ZNF606: variants seen among roughly 807,000 people sequenced by gnomAD.
The protein encoded by ZNF606 is zinc finger protein 328.
In ZNF606, 37 loss-of-function variants were observed where a neutral mutation model predicts 74.9. The ratio of observed to expected loss-of-function variants is 0.49; its 90% CI spans 0.38 to 0.65. ZNF606 has a LOEUF of 0.65. ZNF606 is among the 30% of genes least tolerant of loss of function. The pLI is 0.00. For synonymous variants in ZNF606, 328 were observed against 312.4 expected, an observed-to-expected ratio of 1.05 and a Z score of -0.53; for missense variants, 852 against 952.9, an observed-to-expected ratio of 0.89 and a Z score of 1.39.
chr19:57,988,455 A>G lies in ZNF606; in HGVS notation c.304+140T>C. 3.5e-6 allele frequency: 5 copies of G among 1,418,154 alleles called. 1 individual carries two copies. In the South Asian group the frequency reaches 6.7e-5, roughly 19 times the overall value. 87.8% of individuals were successfully genotyped at this position (1,418,154 alleles called of 1,614,324 possible). On this transcript the variant is annotated intron_variant, in intron 5 of 6. Transcript: ENST00000551380. Reference sequence around the variant, plus strand: ...ATGCTCTTTAAGCATTAGGAGTTTCATCCCTGAACCTCAGGGCCCAAGATC... The same window carrying G: ...ATGCTCTTTAAGCATTAGGAGTTTCGTCCCTGAACCTCAGGGCCCAAGATC...
rs2073006913 is a variant in ZNF606 at position 57,977,434 on chromosome 19, C to T, written c.*867G>A. 6.6e-6 allele frequency: 1 copy of T among 152,226 alleles called. No homozygotes were observed. Among genetic ancestry groups the T allele is most frequent in the Admixed American group, 6.5e-5 (1 of 15,288 alleles). 9.4% of individuals were successfully genotyped at this position (152,226 alleles called of 1,614,324 possible). ...TGGGTTAACTTTTCCATGGATCTTT[C>T]AGGTCCTTACCCATATACATTTTTT... On this transcript the variant is annotated 3_prime_UTR_variant, in exon 7 of 7. Coordinates refer to ENST00000551380, the MANE Select transcript of ZNF606 (RefSeq NM_001348022.3).
intron 4 of ZNF606, among the ~76,000 whole-genome samples, chr19:57,996,775 TG>T (rs2073347588): frequency 6.6e-6 from 1 of 152,212 alleles, no homozygotes. Context: ...GTCACCCTCA[TG>T]AGCTGCATTT....
intron 6 of ZNF606, among the ~76,000 whole-genome samples, chr19:57,987,217 T>C (rs1033057726): frequency 6.6e-6 from 1 of 152,140 alleles, no homozygotes; most frequent in African/African-American, 2.4e-5. Context: ...AACAGTAATG[T>C]GAGTAACAGC....
intron 4 of ZNF606, among the ~76,000 whole-genome samples, chr19:57,995,016 C>T (rs1156957892): frequency 6.6e-6 from 1 of 151,648 alleles, no homozygotes; most frequent in African/African-American, 2.4e-5. Context: ...CATGGTGAAA[C>T]CCTGCCTCTA....
In ZNF606 at chr19:57,978,585, G is replaced by A. The variant is rs200784321; in HGVS notation, c.2095C>T (p.Arg699Trp). The A allele has an allele frequency of 7.8e-5, 126 of 1,613,590 alleles. No individual in the cohort carries two copies. Among genetic ancestry groups the A allele is most frequent in the Non-Finnish European group, 1.0e-4 (121 of 1,179,946 alleles). ...FNCSSHLIAH[R>W]RTHTGEKPYR... is the part of the protein sequence containing the mutation. ...GGTTTCTCTCCAGTATGAGTTCTCCGGTGTGCAATGAGGTGAGAACTACAG... is the reference window on the plus strand; with the variant it reads ...GGTTTCTCTCCAGTATGAGTTCTCCAGTGTGCAATGAGGTGAGAACTACAG... The change falls in exon 7 of 7, where the codon CGG becomes TGG. Residue 699 changes from arginine to tryptophan, a missense_variant. Transcript: ENST00000551380. The surrounding 1 kb of genome is among the most constrained non-coding windows in gnomAD (Gnocchi z 4.4).
Position 58,002,817 on chromosome 19 carries a change from G to T in ZNF606, c.-473C>A, listed in dbSNP as rs1338805919. Reference sequence around the variant, plus strand: ...CAATGGCGGCTGCTTCCCCGGCGTCGACCGGAGCGCGCCGCGGGGTCTGCT... The same window carrying T: ...CAATGGCGGCTGCTTCCCCGGCGTCTACCGGAGCGCGCCGCGGGGTCTGCT... On this transcript the variant is annotated 5_prime_UTR_variant, in exon 1 of 7. Coordinates refer to ENST00000551380, the MANE Select transcript of ZNF606 (RefSeq NM_001348022.3). 6 of 449,218 alleles carry T rather than the reference G, an allele frequency of 1.3e-5. No homozygotes were observed. Among genetic ancestry groups the T allele is most frequent in the South Asian group, 9.4e-5 (6 of 64,056 alleles). 27.8% of individuals were successfully genotyped at this position (449,218 alleles called of 1,614,324 possible). A position where few individuals can be genotyped will look rare whatever the true frequency, so the allele number is the denominator to read the frequency against.
Position 58,001,680 on chromosome 19 carries a change from C to T in ZNF606, c.-51-310G>A, listed in dbSNP as rs117193781. On this transcript the variant is annotated intron_variant, in intron 1 of 6. Transcript: ENST00000551380. Reference sequence around the variant, plus strand: ...TGACAATTATTGTAAAATCAACTTGCAATCCTCATATATTAGTGGTTGCCT... The same window carrying T: ...TGACAATTATTGTAAAATCAACTTGTAATCCTCATATATTAGTGGTTGCCT... Among the ~76,000 whole-genome samples the T allele has an allele frequency of 4.8e-3, 738 of 152,264 alleles. 3 individuals are homozygous for T. Among genetic ancestry groups the T allele is most frequent in the Non-Finnish European group, 9.1e-3 (618 of 68,018 alleles).
intron 6 of ZNF606, among the ~76,000 whole-genome samples, chr19:57,987,183 T>C (rs775895680): frequency 3.3e-5 from 5 of 152,184 alleles, no homozygotes; most frequent in Non-Finnish European, 5.9e-5. Flanking sequence ...TGTATGCCTC[T>C]GTGTATCTGT....
At position 57,979,053 on chromosome 19, in the gene ZNF606, C is replaced by T. The variant is rs755727838; in HGVS notation, c.1627G>A (p.Asp543Asn). The stretch of plus-strand genomic sequence containing the variant: ...TCCCTAAAAGCTTTTTCACATTCAT[C>T]ACATTTAAAGGGTTTCTCTCCAGTA... The part of the protein sequence containing the change: ...MHTGEKPFKC[D>N]ECEKAFRDYS... Residue 543 changes from aspartate to asparagine, a missense_variant, in exon 7 of 7, where the codon GAT (aspartate) becomes AAT (asparagine). Coordinates refer to ENST00000551380, the MANE Select transcript of ZNF606 (RefSeq NM_001348022.3). The T allele has an allele frequency of 1.5e-5, 24 of 1,612,972 alleles. No homozygotes were observed. The highest frequency in any genetic ancestry group is 2.0e-5 in the Non-Finnish European group (24 of 1,179,758).
intron 4 of ZNF606, chr19:57,998,903 T>C (rs908018800): frequency 6.6e-6 from 1 of 152,396 alleles, no homozygotes; most frequent in South Asian, 2.1e-4. Context: ...CTCTCCTCCA[T>C]AGCTCCAAGG....
At chr19:57,988,910 C>T (rs562949035) in intron 4 of ZNF606, among the ~76,000 whole-genome samples, 189 bp from the exon 5 acceptor site, 2 of 146,262 alleles carry the variant, frequency 1.4e-5, no homozygotes, top group East Asian at 1.9e-4. Context: ...TTGTTATATA[C>T]TCTTAGGGAA....
intron 6 of ZNF606, among the ~76,000 whole-genome samples, chr19:57,982,499 G>T (rs999722926): frequency 6.6e-6 from 1 of 152,170 alleles, no homozygotes; most frequent in Non-Finnish European, 1.5e-5. Flanking sequence ...ATATCTTTGT[G>T]GGGGAAGTCA....
rs138065835 is a variant in ZNF606 at position 57,979,337 on chromosome 19, C to G, written c.1343G>C (p.Arg448Pro). The change falls in exon 7 of 7, where the codon CGG (arginine) becomes CCG (proline). Residue 448 changes from arginine (R) to proline (P), a missense_variant. Transcript: ENST00000551380. ...ATAGGGTTTTATTCCAGTGTGAGTC[C>G]GTTCATGTTTCGTAAGGGCTGAGCG... ...RNRSALTKHE[R>P]THTGIKPYEC... is the part of the protein sequence containing the mutation. 6.2e-7 allele frequency: 1 copy of G among 1,613,138 alleles called. No homozygotes were observed. The highest frequency in any genetic ancestry group is 8.5e-7 in the Non-Finnish European group (1 of 1,179,664).
chr19:57,982,642 T>C (rs2073102543), intron 6 of ZNF606, among the ~76,000 whole-genome samples: 1 of 152,094 alleles, frequency 6.6e-6, no homozygotes, highest in South Asian at 2.1e-4. Context: ...AGTCCATTAT[T>C]TTTTGTTTAA....
intron 4 of ZNF606, among the ~76,000 whole-genome samples, chr19:57,993,469 T>G (rs1273100416): frequency 3.3e-5 from 5 of 152,118 alleles, no homozygotes; most frequent in African/African-American, 1.2e-4. Context: ...GCTGACCAAC[T>G]AGACTAGAAG....
chr19:57,982,807 C>T (rs568548144), intron 6 of ZNF606, among the ~76,000 whole-genome samples: 6 of 152,124 alleles, frequency 3.9e-5, no homozygotes, highest in African/African-American at 1.2e-4. Flanking sequence ...CCATGCCTGG[C>T]TAAATGTTTT....
intron 4 of ZNF606, among the ~76,000 whole-genome samples, chr19:57,994,885 A>C (rs1342107310): frequency 6.6e-6 from 1 of 152,142 alleles, no homozygotes; most frequent in East Asian, 1.9e-4. Flanking sequence ...CACTAGTAAC[A>C]CTGAAAGTAT....
At chr19:57,983,312 C>A (rs1158840930) in intron 6 of ZNF606, among the ~76,000 whole-genome samples, 1 of 152,052 alleles carries the variant, frequency 6.6e-6, no homozygotes, top group Non-Finnish European at 1.5e-5. Flanking sequence ...TGGTAGCTCA[C>A]GCCTGTAATC....
At chr19:57,987,689 A>G (rs1365208934) in intron 6 of ZNF606, among the ~76,000 whole-genome samples, 1 of 151,958 alleles carries the variant, frequency 6.6e-6, no homozygotes, top group African/African-American at 2.4e-5. Flanking sequence ...CTAGCCAGGC[A>G]TGGTGGCGGG....
Sources: gnomAD v4.1 joint callset for allele counts (sites outside exome capture counted in the v4.1 genomes callset) on GRCh38, gnomAD v4.1.1 for gene constraint, Gnocchi (gnomAD v3.1) non-coding constraint, MANE v1.5 for transcripts, NCBI Gene and HGNC (gene_info 2026-07-23, HGNC 2026-07-21) for gene names.